The following PHKB variants were observed in gnomAD, a reference collection of about 807,000 sequenced individuals.
PHKB encodes phosphorylase kinase regulatory subunit beta, also known as phosphorylase b kinase regulatory subunit beta.
A neutral mutation model predicts 152.1 loss-of-function variants in PHKB; 122 were observed. That is an observed-to-expected ratio of 0.80 (90% confidence interval 0.69 to 0.93). PHKB has a LOEUF of 0.93. PHKB is among the 40% of genes least tolerant of loss of function. The pLI is 0.00. For synonymous variants in PHKB, 436 were observed against 464.9 expected (o/e 0.94, Z 0.80); for missense variants, 1,304 against 1,328.4 (o/e 0.98, Z 0.29).
intron 14 of PHKB, among the ~76,000 whole-genome samples, chr16:47,638,981 A>T (rs1567337114): frequency 6.6e-6 from 1 of 152,238 alleles, no homozygotes; most frequent in Admixed American, 6.5e-5. Flanking sequence ...TTGGACAACA[A>T]TGGTGGTGGT....
chr16:47,575,274 C>A (rs12929059), intron 7 of PHKB, among the ~76,000 whole-genome samples: 1 of 152,134 alleles, frequency 6.6e-6, no homozygotes, highest in Non-Finnish European at 1.5e-5. Context: ...AACACAACCT[C>A]TATGGAAAAC....
intron 1 of PHKB, chr16:47,462,759 A>G (rs1156318906): frequency 1.4e-5 from 2 of 147,576 alleles, no homozygotes; most frequent in Non-Finnish European, 1.5e-5. Flanking sequence ...TGGAGAAAGT[A>G]AATCTAATTT....
chr16:47,491,577 G>T lies in PHKB; in HGVS notation c.77-5822G>T, dbSNP rs547555253. The stretch of plus-strand genomic sequence containing the variant: ...CTTCCTTTAGGCCAATTACTTAGAG[G>T]TCTTTTTATAGACATCACACTCAAC... On this transcript the variant is annotated intron_variant, in intron 1 of 30. Coordinates refer to ENST00000323584, the MANE Select transcript of PHKB (RefSeq NM_000293.3). Among the ~76,000 whole-genome samples, 129 of 152,206 alleles carry T rather than the reference G, an allele frequency of 8.5e-4. 1 individual carries two copies. Among genetic ancestry groups the T allele is most frequent in the African/African-American group, 3.0e-3 (123 of 41,516 alleles).
chr16:47,546,526 A>C (rs566691647), intron 6 of PHKB, among the ~76,000 whole-genome samples: 9 of 152,140 alleles, frequency 5.9e-5, no homozygotes, highest in Admixed American at 2.6e-4. Flanking sequence ...GTCAGCCCCT[A>C]CTCGGACGTG....
intron 1 of PHKB, among the ~76,000 whole-genome samples, chr16:47,477,767 A>G (rs1195047421): frequency 5.9e-5 from 9 of 152,050 alleles, no homozygotes; most frequent in African/African-American, 1.7e-4. Flanking sequence ...CTGTGTACTG[A>G]TTTTTTCTTT....
At chr16:47,657,753 G>T (rs1267401890) in intron 20 of PHKB, among the ~76,000 whole-genome samples, 1 of 152,110 alleles carries the variant, frequency 6.6e-6, no homozygotes, top group South Asian at 2.1e-4. Flanking sequence ...TTATTAAATA[G>T]AATTTTTTTC....
rs114220328 is a variant in PHKB, at chr16:47,567,695, A to G, written c.711-12600A>G. 1.6e-3 allele frequency among the ~76,000 whole-genome samples: 241 copies of G among 152,196 alleles called. 2 individuals carry two copies. Among genetic ancestry groups the G allele is most frequent in the African/African-American group, 5.4e-3 (223 of 41,526 alleles). ...GGATTTGTCTTATTTTGGCTTTTGT[A>G]ATTTTAAGGTATATTTCTTCTATGC... On this transcript the variant is annotated intron_variant, in intron 7 of 30. Transcript: ENST00000323584.
intron 16 of PHKB, among the ~76,000 whole-genome samples, chr16:47,642,422 C>T (rs1208634014): frequency 1.3e-5 from 2 of 152,166 alleles, no homozygotes; most frequent in African/African-American, 2.4e-5. Flanking sequence ...AATGTTCTTG[C>T]TCGTTAGAGA....
chr16:47,524,106 G>A (rs1363574334), intron 6 of PHKB, among the ~76,000 whole-genome samples: 1 of 152,148 alleles, frequency 6.6e-6, no homozygotes, highest in Non-Finnish European at 1.5e-5. Flanking sequence ...TGCTCGGATC[G>A]TTGTATGCTC....
At chr16:47,588,369 C>A (rs1971970012) in intron 9 of PHKB, among the ~76,000 whole-genome samples, 1 of 149,730 alleles carries the variant, frequency 6.7e-6, no homozygotes, top group South Asian at 2.1e-4. Flanking sequence ...TACTCTAATA[C>A]AATCTTGACA....
chr16:47,545,035 G>A (rs1400015045), intron 6 of PHKB, among the ~76,000 whole-genome samples: 2 of 152,222 alleles, frequency 1.3e-5, no homozygotes, highest in African/African-American at 4.8e-5. Context: ...GATGAGTCTT[G>A]ACTCTTTATC....
chr16:47,535,856 T>G (rs956403595), intron 6 of PHKB, among the ~76,000 whole-genome samples: 3 of 152,246 alleles, frequency 2.0e-5, no homozygotes, highest in Admixed American at 1.3e-4. Context: ...CTGTTCTAGC[T>G]CTTTCCAATT....
At chr16:47,550,901 A>G (rs1442757017) in intron 7 of PHKB, among the ~76,000 whole-genome samples, 3 of 152,096 alleles carry the variant, frequency 2.0e-5, no homozygotes, top group Non-Finnish European at 2.9e-5. Flanking sequence ...AGAACTTGTT[A>G]TCAGTCTATT....
At position 47,588,978 on chromosome 16, in the gene PHKB, A is replaced by G. The variant is rs1472035734; in HGVS notation, c.944A>G (p.Gln315Arg). 6.2e-7 allele frequency: 1 copy of G among 1,613,982 alleles called. No homozygotes were observed. Residue 315 changes from glutamine to arginine, a missense_variant, in exon 10 of 31, where the codon CAG becomes CGG. Physicochemically the swap from Gln to Arg is conservative, Grantham distance 43. Transcript: ENST00000323584. ...FALDDEVLFS[Q>R]TLDKVVRKLK... is the part of the protein sequence containing the mutation. Reference sequence around the variant, plus strand: ...CTGGATGATGAAGTTCTTTTTAGCCAGACACTTGATAAAGTGGTTAGAAAA... The same window carrying G: ...CTGGATGATGAAGTTCTTTTTAGCCGGACACTTGATAAAGTGGTTAGAAAA...
chr16:47,626,388 C>T (rs1022250855), intron 14 of PHKB, among the ~76,000 whole-genome samples: 1 of 152,198 alleles, frequency 6.6e-6, no homozygotes, highest in East Asian at 1.9e-4. Context: ...CCAGCCCAGT[C>T]TTTTTGTCAT....
chr16:47,559,893 C>T (rs1971446793), intron 7 of PHKB, among the ~76,000 whole-genome samples: 1 of 152,160 alleles, frequency 6.6e-6, no homozygotes, highest in South Asian at 2.1e-4. Flanking sequence ...GGATTTTACT[C>T]CTTTAGGTTC....
chr16:47,541,135 A>T (rs1029306241), intron 6 of PHKB, among the ~76,000 whole-genome samples: 1 of 151,906 alleles, frequency 6.6e-6, no homozygotes, highest in Non-Finnish European at 1.5e-5. Context: ...TCCTAATGCT[A>T]CCCCTTCCCC....
At chr16:47,644,326 G>C (rs1361065240) in intron 16 of PHKB, among the ~76,000 whole-genome samples, 1 of 152,200 alleles carries the variant, frequency 6.6e-6, no homozygotes, top group Non-Finnish European at 1.5e-5. Flanking sequence ...CAGCATGTGT[G>C]GCTCAGGAGA....
chr16:47,477,235 T>G (rs1440129184), intron 1 of PHKB, among the ~76,000 whole-genome samples: 1 of 152,206 alleles, frequency 6.6e-6, no homozygotes, highest in Non-Finnish European at 1.5e-5. Context: ...GTCACTGCAT[T>G]GCTATTAGAT....
Sources: allele counts gnomAD v4.1 joint callset (sites outside exome capture counted in the v4.1 genomes callset), GRCh38; gene constraint gnomAD v4.1.1; transcripts MANE v1.5; gene names NCBI Gene and HGNC (gene_info 2026-07-23, HGNC 2026-07-21).